TRPM2: variants seen among roughly 807,000 people sequenced by gnomAD.
TRPM2 encodes the protein estrogen-responsive element-associated gene 1 protein.
Under a neutral mutation model 174.0 loss-of-function variants are expected in TRPM2, and 161 were observed. The ratio of observed to expected loss-of-function variants is 0.93; its 90% CI spans 0.81 to 1.05. The LOEUF (loss-of-function observed/expected upper bound fraction) is 1.05. Among genes scored for constraint, TRPM2 ranks in the 50% least tolerant of loss-of-function variants. The pLI is 0.00. For missense variants in TRPM2, 2,057 were observed against 2,038.0 expected, an observed-to-expected ratio of 1.01 and a Z score of -0.18; for synonymous variants, 954 against 861.3, an observed-to-expected ratio of 1.11 and a Z score of -1.88.
chr21:44,375,041 A>T (rs954020595), intron 5 of TRPM2, among the ~76,000 whole-genome samples: 4 of 152,094 alleles, frequency 2.6e-5, no homozygotes, highest in African/African-American at 7.2e-5. Context: ...CCTCCCAAGT[A>T]GCTGGGACTA....
chr21:44,358,092 C>A (rs1200815203), intron 2 of TRPM2, among the ~76,000 whole-genome samples: 1 of 152,206 alleles, frequency 6.6e-6, no homozygotes, highest in Non-Finnish European at 1.5e-5. Flanking sequence ...TCTTCCTACC[C>A]CACTCGTCCA....
rs757668807 is a variant in TRPM2 at position 44,366,713 on chromosome 21, C to T, written c.424-41C>T. The stretch of plus-strand genomic sequence containing the variant: ...TGTGGGTCGGTGCTGTCCCTGACCA[C>T]TGACACACAGGTTCCCTCCGCCGTT... On this transcript the variant is annotated intron_variant, in intron 3 of 31. Transcript: ENST00000397928. The surrounding 1 kb of genome is among the most constrained non-coding windows in gnomAD (Gnocchi z 6.0). The T allele has an allele frequency of 3.7e-6, 6 of 1,612,404 alleles. No homozygotes were observed. The highest frequency in any genetic ancestry group is 5.1e-6 in the Non-Finnish European group (6 of 1,179,802).
chr21:44,406,507 C>A (rs1759218108), intron 18 of TRPM2, 87 bp from the exon 19 acceptor site: 2 of 1,438,648 alleles, frequency 1.4e-6, no homozygotes, highest in Non-Finnish European at 1.9e-6. Flanking sequence ...AGTGGCAGTG[C>A]TGTCTCCACC....
chr21:44,425,629 C>A, intron 24 of TRPM2, 41 bp from the exon 25 acceptor site: 1 of 1,447,256 alleles, frequency 6.9e-7, no homozygotes, highest in African/African-American at 1.4e-5. Flanking sequence ...GCACCTGAGC[C>A]CGGGCTCCGC....
intron 27 of TRPM2, among the ~76,000 whole-genome samples, chr21:44,431,812 C>A (rs1320432741): frequency 6.6e-6 from 1 of 152,158 alleles, no homozygotes; most frequent in Non-Finnish European, 1.5e-5. Flanking sequence ...TTTGTTATCA[C>A]CTTCTAGTTT....
intron 16 of TRPM2, among the ~76,000 whole-genome samples, chr21:44,404,023 T>TGC (rs2049750888): frequency 6.7e-6 from 1 of 149,970 alleles, no homozygotes; most frequent in African/African-American, 2.5e-5. Context: ...CATACACAAA[T>TGC]ATACACATCA....
In TRPM2 at chr21:44,439,963, G is replaced by A. The variant is rs966689807; in HGVS notation, c.4269+795G>A. ...GTCATGAACTGGGCTCAAGCGATCT[G>A]CCCACCTCAGCCTCCCAAAGTGCTG... On this transcript the variant is annotated intron_variant, in intron 30 of 31. Transcript: ENST00000397928. This position sits in a 1 kb window ranked among gnomAD's most constrained non-coding sequence, Gnocchi z 5.1. Among the ~76,000 whole-genome samples the A allele has an allele frequency of 3.3e-5, 5 of 151,834 alleles. No homozygotes were observed. The highest frequency in any genetic ancestry group is 9.7e-5 in the African/African-American group (4 of 41,378).
intron 12 of TRPM2, among the ~76,000 whole-genome samples, chr21:44,397,132 G>A (rs1915728701): frequency 2.0e-5 from 3 of 151,516 alleles, no homozygotes; most frequent in Admixed American, 1.3e-4. Context: ...TCTGCCTACC[G>A]TGTTCAAGCG....
chr21:44,407,462 T>G (rs1390794385), intron 19 of TRPM2, among the ~76,000 whole-genome samples: 4 of 147,510 alleles, frequency 2.7e-5, no homozygotes, highest in Admixed American at 6.8e-5. Context: ...TTTTTTTTTT[T>G]TTTTTTTTTT....
chr21:44,373,899 G>C (rs1272600850), intron 5 of TRPM2, among the ~76,000 whole-genome samples: 10 of 152,084 alleles, frequency 6.6e-5, no homozygotes, highest in African/African-American at 2.4e-4. Context: ...CTTCCCTCCA[G>C]TCTCCAGTAC....
chr21:44,421,415 G>C (rs2050546998), intron 22 of TRPM2, among the ~76,000 whole-genome samples: 1 of 152,098 alleles, frequency 6.6e-6, no homozygotes, highest in African/African-American at 2.4e-5. Flanking sequence ...TCCCAGCCTA[G>C]GTGCTCAGTG....
rs1323336196 is a variant in TRPM2, at chr21:44,405,199, GA to G, written c.2597del (p.Asp866AlafsTer18). On this transcript the variant is annotated frameshift_variant, in exon 17 of 32. Transcript: ENST00000397928. LOFTEE classifies it high-confidence loss of function. ...LMKKAALYFS[D>X]FWNKLDVGAI... Reference sequence around the variant, plus strand: ...GAAGAAGGCAGCCTTGTACTTCAGTGACTTCTGGAATAAGCTGGACGTCGGC... The same window carrying G: ...GAAGAAGGCAGCCTTGTACTTCAGTGCTTCTGGAATAAGCTGGACGTCGGC... 6.2e-7 allele frequency: 1 copy of G among 1,613,506 alleles called. No homozygotes were observed. The highest frequency in any genetic ancestry group is 1.7e-5 in the Admixed American group (1 of 60,008).
In TRPM2 at chr21:44,439,882, C is replaced by T. The variant is rs536757418; in HGVS notation, c.4269+714C>T. On this transcript the variant is annotated intron_variant, in intron 30 of 31. Coordinates refer to ENST00000397928, the MANE Select transcript of TRPM2 (RefSeq NM_003307.4). This position sits in a 1 kb window ranked among gnomAD's most constrained non-coding sequence, Gnocchi z 5.1. ...GGCTGCAGCGGTGAGACACCACACC[C>T]GTCTAATATTTTGTATTTTTAGTAG... Among the ~76,000 whole-genome samples, 16 of 152,124 alleles carry T rather than the reference C, an allele frequency of 1.1e-4. No individual in the cohort carries two copies. The South Asian group carries it at 2.3e-3, about 22-fold the overall frequency.
At position 44,391,626 on chromosome 21, in the gene TRPM2, G is replaced by C. The variant is rs1449281398; in HGVS notation, c.1794+1G>C. On this transcript the variant is annotated splice_donor_variant, in intron 11 of 31. Transcript: ENST00000397928. LOFTEE classifies it high-confidence loss of function. The surrounding 1 kb of genome is among the most constrained non-coding windows in gnomAD (Gnocchi z 5.0). ...GCCCGTTCCCCACGTCAAGCTCAAC[G>C]TGCGTGCTGGTAACGGGGCCCATCC... The C allele has an allele frequency of 6.4e-7, 1 of 1,567,568 alleles. No individual in the cohort carries two copies. Among genetic ancestry groups the C allele is most frequent in the Non-Finnish European group, 8.6e-7 (1 of 1,163,452 alleles).
chr21:44,350,841 C>T (rs989951136), upstream of TRPM2, among the ~76,000 whole-genome samples: 2 of 152,050 alleles, frequency 1.3e-5, no homozygotes, highest in Non-Finnish European at 2.9e-5. Flanking sequence ...CCGGCTGGCG[C>T]GAGGGGACCC....
At chr21:44,435,052 C>G in intron 27 of TRPM2, 79 bp from the exon 28 acceptor site, 1 of 1,424,386 alleles carries the variant, frequency 7.0e-7, no homozygotes, top group Non-Finnish European at 9.8e-7. Flanking sequence ...GCCCGCTGTC[C>G]CCTCTCAGTC....
chr21:44,363,302 C>T (rs539531817), intron 2 of TRPM2, among the ~76,000 whole-genome samples: 153 of 152,204 alleles, frequency 1.0e-3, no homozygotes, highest in African/African-American at 3.7e-3. Flanking sequence ...AATGTATGAT[C>T]TTTTGTTATA....
intron 4 of TRPM2, 157 bp from the exon 5 acceptor site, chr21:44,369,020 C>A: frequency 1.3e-6 from 1 of 795,724 alleles, no homozygotes; most frequent in Non-Finnish European, 1.9e-6. Context: ...AACCTCGGTT[C>A]CTTACACCTG....
At chr21:44,390,844 C>T (rs2146239340) in intron 9 of TRPM2, 60 bp from the exon 10 acceptor site, 1 of 1,607,990 alleles carries the variant, frequency 6.2e-7, no homozygotes, top group Non-Finnish European at 8.5e-7. Context: ...CATCATTTCC[C>T]TGGAGGGAAA....
Sources: gnomAD v4.1 joint callset for allele counts (sites outside exome capture counted in the v4.1 genomes callset) on GRCh38, gnomAD v4.1.1 for gene constraint, Gnocchi (gnomAD v3.1) non-coding constraint, MANE v1.5 for transcripts, NCBI Gene and HGNC (gene_info 2026-07-23, HGNC 2026-07-21) for gene names.